FOXP1: variants seen among roughly 807,000 people sequenced by gnomAD.
FOXP1 encodes forkhead box P1.
Under a neutral mutation model 98.2 loss-of-function variants are expected in FOXP1, and 15 were observed. The ratio of observed to expected loss-of-function variants is 0.15; its 90% CI spans 0.10 to 0.24. FOXP1 has a LOEUF of 0.24. Among genes scored for constraint, FOXP1 ranks in the 10% least tolerant of loss-of-function variants. FOXP1 has a pLI of 1.00. For synonymous variants in FOXP1, 371 were observed against 314.5 expected (o/e 1.18, Z -1.90); for missense variants, 633 against 848.5 (o/e 0.75, Z 3.15).
At chr3:71,156,948 G>T (rs529216791) in intron 6 of FOXP1, among the ~76,000 whole-genome samples, 2 of 152,330 alleles carry the variant, frequency 1.3e-5, no homozygotes, top group South Asian at 2.1e-4. Context: ...CTGGTGAACA[G>T]TGCATGTCCT....
intron 14 of FOXP1, among the ~76,000 whole-genome samples, chr3:70,979,616 TTTCACCAAGTCTAA>T (rs1314523919): frequency 6.6e-6 from 1 of 152,120 alleles, no homozygotes; most frequent in Non-Finnish European, 1.5e-5. Flanking sequence ...AGTAAGTCTA[TTTCACCAAGTCTAA>T]TTCACCATTG....
At chr3:71,307,034 T>C (rs753425310) in intron 4 of FOXP1, among the ~76,000 whole-genome samples, 1 of 152,226 alleles carries the variant, frequency 6.6e-6, no homozygotes, top group Non-Finnish European at 1.5e-5. Flanking sequence ...TCCAGCTACA[T>C]GTTGGTCTTA....
At chr3:71,007,112 G>GA (rs1231339021) in intron 12 of FOXP1, among the ~76,000 whole-genome samples, 3 of 151,968 alleles carry the variant, frequency 2.0e-5, no homozygotes, top group African/African-American at 7.3e-5. Flanking sequence ...TTAAAAGGGG[G>GA]AAAAAATTTT....
intron 2 of FOXP1, among the ~76,000 whole-genome samples, chr3:71,504,330 G>C (rs928601039): frequency 1.3e-5 from 2 of 152,052 alleles, no homozygotes; most frequent in Admixed American, 1.3e-4. Context: ...TATGACGTTG[G>C]CCAGTGACTA....
At chr3:71,330,681 A>G (rs535326865) in intron 4 of FOXP1, among the ~76,000 whole-genome samples, 1 of 152,254 alleles carries the variant, frequency 6.6e-6, no homozygotes, top group Non-Finnish European at 1.5e-5. Context: ...ATTATGTTAC[A>G]TTCATGCAGT....
Position 71,549,386 on chromosome 3 carries a change from A to T in FOXP1, c.-298+32163T>A, listed in dbSNP as rs189115895. On this transcript the variant is annotated intron_variant, in intron 2 of 20. Coordinates refer to ENST00000649528, the MANE Select transcript of FOXP1 (RefSeq NM_001349338.3). ...TACATATACTTTATTATTTAAAAAAATTTTTTGAGATGGAGTCACACTCTG... is the reference window on the plus strand; with the variant it reads ...TACATATACTTTATTATTTAAAAAATTTTTTTGAGATGGAGTCACACTCTG... 4.0e-3 allele frequency among the ~76,000 whole-genome samples: 604 copies of T among 152,232 alleles called. 3 individuals carry two copies. Among genetic ancestry groups the T allele is most frequent in the African/African-American group, 0.013 (550 of 41,516 alleles).
chr3:71,373,014 G>T (rs541287286), intron 3 of FOXP1, among the ~76,000 whole-genome samples: 84 of 152,260 alleles, frequency 5.5e-4, no homozygotes, highest in Middle Eastern at 3.4e-3. Flanking sequence ...CTCACTCCCA[G>T]TGCCAGGTGC....
chr3:71,002,123 C>T (rs2042196698), intron 12 of FOXP1, among the ~76,000 whole-genome samples: 1 of 152,070 alleles, frequency 6.6e-6, no homozygotes, highest in Admixed American at 6.6e-5. Context: ...GGTCTGTAAC[C>T]CTTTGAAACA....
chr3:71,434,630 G>GT, intron 3 of FOXP1, among the ~76,000 whole-genome samples: 2 of 129,056 alleles, frequency 1.5e-5, no homozygotes, highest in Non-Finnish European at 3.4e-5. Flanking sequence ...TGAGGGGATG[G>GT]GGTGTGTGTG....
At chr3:70,973,863 C>G (rs2036930226) in intron 17 of FOXP1, among the ~76,000 whole-genome samples, 1 of 135,932 alleles carries the variant, frequency 7.4e-6, no homozygotes, top group African/African-American at 2.7e-5. Context: ...CCCAACACAT[C>G]CCATTCTGCC....
chr3:71,191,433 G>A (rs1469794233), intron 6 of FOXP1, among the ~76,000 whole-genome samples: 2 of 152,194 alleles, frequency 1.3e-5, no homozygotes, highest in Non-Finnish European at 2.9e-5. Context: ...TTCTCTTGAA[G>A]TCAAGAGGGT....
intron 11 of FOXP1, among the ~76,000 whole-genome samples, chr3:71,018,013 A>G (rs2044769147): frequency 6.6e-6 from 1 of 152,200 alleles, no homozygotes; most frequent in Non-Finnish European, 1.5e-5. Flanking sequence ...ATTACTAGTT[A>G]AGAACTGTAA....
intron 7 of FOXP1, among the ~76,000 whole-genome samples, chr3:71,077,222 T>C (rs546993212): frequency 2.0e-5 from 3 of 152,314 alleles, no homozygotes; most frequent in Non-Finnish European, 4.4e-5. Context: ...AACGGCATAG[T>C]CAAGGCTACC....
At chr3:71,085,122 A>G (rs1172285200) in intron 7 of FOXP1, among the ~76,000 whole-genome samples, 1 of 152,098 alleles carries the variant, frequency 6.6e-6, no homozygotes, top group Non-Finnish European at 1.5e-5. Context: ...GCTTGCAACT[A>G]CTTTTTTTCT....
chr3:71,308,569 T>C (rs1006615575), intron 4 of FOXP1, among the ~76,000 whole-genome samples: 5 of 152,172 alleles, frequency 3.3e-5, no homozygotes, highest in African/African-American at 1.2e-4. Context: ...ACTGTAAGTT[T>C]CCTGTTTTCT....
At chr3:71,398,272 C>G (rs1301837102) in intron 3 of FOXP1, among the ~76,000 whole-genome samples, 1 of 152,204 alleles carries the variant, frequency 6.6e-6, no homozygotes, top group Non-Finnish European at 1.5e-5. Context: ...TAAGTAATAT[C>G]TTGTCTCCAC....
At chr3:71,073,120 G>A (rs1325096527) in intron 7 of FOXP1, among the ~76,000 whole-genome samples, 2 of 152,196 alleles carry the variant, frequency 1.3e-5, no homozygotes, top group East Asian at 3.8e-4. Context: ...TGAACAATAG[G>A]AGGAATGTCT....
chr3:71,495,471 A>G (rs567195776), intron 2 of FOXP1, among the ~76,000 whole-genome samples: 1 of 152,338 alleles, frequency 6.6e-6, no homozygotes, highest in Admixed American at 6.5e-5. Context: ...CAAGTACTCA[A>G]TATGTATCTT....
chr3:71,401,299 T>C (rs1560431738), intron 3 of FOXP1, among the ~76,000 whole-genome samples: 2 of 152,168 alleles, frequency 1.3e-5, no homozygotes. Flanking sequence ...ACTTACATTC[T>C]CATGCCTTCT....
Sources: allele counts gnomAD v4.1 joint callset (sites outside exome capture counted in the v4.1 genomes callset), GRCh38; gene constraint gnomAD v4.1.1; transcripts MANE v1.5; gene names NCBI Gene and HGNC (gene_info 2026-07-23, HGNC 2026-07-21).